The following KLHL18 variants were observed in gnomAD, a reference collection of about 807,000 sequenced individuals.
KLHL18 encodes kelch-like protein 18.
In KLHL18, 38 loss-of-function variants were observed where a neutral mutation model predicts 58.5. The observed-to-expected ratio is 0.65, with a 90% confidence interval of 0.50 to 0.85. The LOEUF is 0.85. KLHL18 is among the 40% of genes least tolerant of loss of function. The pLI is 0.00. For missense variants in KLHL18, 624 were observed against 778.4 expected, an observed-to-expected ratio of 0.80 and a Z score of 2.36; for synonymous variants, 303 against 301.9, an observed-to-expected ratio of 1.00 and a Z score of -0.04.
intron 4 of KLHL18, among the ~76,000 whole-genome samples, chr3:47,330,685 A>G (rs1703836388): frequency 6.6e-6 from 1 of 152,154 alleles, no homozygotes; most frequent in Non-Finnish European, 1.5e-5. Context: ...AATATTTACT[A>G]TTAGAAATAA....
chr3:47,324,144 C>T (rs11709810), intron 3 of KLHL18, among the ~76,000 whole-genome samples: 1 of 152,070 alleles, frequency 6.6e-6, no homozygotes, highest in African/African-American at 2.4e-5. Context: ...GGGATGCCTT[C>T]TGGGGCAGGC....
chr3:47,286,342 T>TG (rs1275595129), intron 1 of KLHL18, among the ~76,000 whole-genome samples: 2 of 152,202 alleles, frequency 1.3e-5, no homozygotes, highest in East Asian at 3.8e-4. Flanking sequence ...TTTCACTACT[T>TG]GCCACCAGAG....
intron 7 of KLHL18, among the ~76,000 whole-genome samples, chr3:47,338,978 G>T (rs1455132902): frequency 6.6e-6 from 1 of 152,218 alleles, no homozygotes; most frequent in East Asian, 1.9e-4. Context: ...CGTTGTGTAG[G>T]AGGGAAGATT....
chr3:47,336,791 A>G, intron 7 of KLHL18, 34 bp downstream of exon 7: 1 of 1,531,342 alleles, frequency 6.5e-7, no homozygotes, highest in East Asian at 2.2e-5. Context: ...CCGAACATAC[A>G]CACTGAGCAC....
chr3:47,284,633 A>G (rs958343820), intron 1 of KLHL18, among the ~76,000 whole-genome samples: 1 of 151,996 alleles, frequency 6.6e-6, no homozygotes, highest in African/African-American at 2.4e-5. Context: ...CACCGCGCCC[A>G]GCCTGCTCTT....
chr3:47,319,567 G>A, intron 1 of KLHL18, 86 bp from the exon 2 acceptor site: 1 of 1,467,790 alleles, frequency 6.8e-7, no homozygotes, highest in East Asian at 2.3e-5. Flanking sequence ...GTGGAGCCGG[G>A]CGGAGGGGCA....
Position 47,345,581 on chromosome 3 carries a change from G to A in KLHL18, c.*1640G>A, listed in dbSNP as rs897868928. On this transcript the variant is annotated 3_prime_UTR_variant, in exon 10 of 10. Transcript: ENST00000232766. Reference sequence around the variant, plus strand: ...TTTTCTCTTGCCAGTGCACTGGGCAGTGGGGCTGTCCTTCAACTGCTGCTG... The same window carrying A: ...TTTTCTCTTGCCAGTGCACTGGGCAATGGGGCTGTCCTTCAACTGCTGCTG... The A allele has an allele frequency of 1.3e-5, 2 of 152,704 alleles. No individual in the cohort carries two copies. The highest frequency in any genetic ancestry group is 4.8e-5 in the African/African-American group (2 of 41,462). The allele number at this position is 152,704 out of a possible 1,614,324, so 9.5% of individuals were successfully genotyped here.
chr3:47,299,793 C>T (rs929366910), intron 1 of KLHL18, among the ~76,000 whole-genome samples: 7 of 129,104 alleles, frequency 5.4e-5, no homozygotes, highest in Admixed American at 2.7e-4. Context: ...CACCACTGCA[C>T]TCCAGCCTGC....
intron 1 of KLHL18, among the ~76,000 whole-genome samples, chr3:47,304,623 T>A (rs1261165191): frequency 2.0e-5 from 3 of 152,256 alleles, no homozygotes; most frequent in African/African-American, 7.2e-5. Flanking sequence ...AAAACACAAC[T>A]GATTTTTGTA....
At chr3:47,335,916 G>A (rs1000585521) in intron 6 of KLHL18, among the ~76,000 whole-genome samples, 17 of 152,270 alleles carry the variant, frequency 1.1e-4, no homozygotes, top group African/African-American at 4.8e-5. Context: ...CTGGAGCGGC[G>A]TGCAAATGAA....
Position 47,346,424 on chromosome 3 carries a change from G to A in KLHL18, c.*2483G>A, listed in dbSNP as rs1315958876. The A allele has an allele frequency of 6.6e-6, 1 of 152,642 alleles. No homozygotes were observed. Among genetic ancestry groups the A allele is most frequent in the Admixed American group, 6.5e-5 (1 of 15,288 alleles). The allele number at this position is 152,642 out of a possible 1,614,324, so 9.5% of individuals were successfully genotyped here. On this transcript the variant is annotated 3_prime_UTR_variant, in exon 10 of 10. Transcript: ENST00000232766. Reference sequence around the variant, plus strand: ...GATGGTGAATGGCTATTCGTAAATGGCTGGTCTGGCTCTTTGGTGTTGGAG... The same window carrying A: ...GATGGTGAATGGCTATTCGTAAATGACTGGTCTGGCTCTTTGGTGTTGGAG...
chr3:47,317,449 A>G (rs1703482051), intron 1 of KLHL18, among the ~76,000 whole-genome samples: 1 of 152,132 alleles, frequency 6.6e-6, no homozygotes, highest in African/African-American at 2.4e-5. Context: ...GTGAATAAAT[A>G]AGAAAGAGGA....
chr3:47,313,152 G>A (rs954847598), intron 1 of KLHL18, among the ~76,000 whole-genome samples: 1 of 150,668 alleles, frequency 6.6e-6, no homozygotes, highest in Non-Finnish European at 1.5e-5. Context: ...CTTGTGATCC[G>A]CCCGTCTCGG....
At chr3:47,342,853 A>G (rs1287152554) in intron 9 of KLHL18, 23 bp downstream of exon 9, 3 of 1,519,868 alleles carry the variant, frequency 2.0e-6, no homozygotes, top group Non-Finnish European at 2.7e-6. Context: ...TCCCCCTGGG[A>G]TAAGGGTACC....
rs565219429 is a variant in KLHL18 at position 47,320,750 on chromosome 3, TA to T, written c.260+976del. 5.5e-3 allele frequency among the ~76,000 whole-genome samples: 830 copies of T among 151,528 alleles called. 7 individuals are homozygous for T. Among genetic ancestry groups the T allele is most frequent in the African/African-American group, 0.019 (793 of 41,324 alleles). ...CTGGACAACATAAACCACATCTTTA[TA>T]AAAAAAAATTGTTTTTAATTAGCTG... On this transcript the variant is annotated intron_variant, in intron 2 of 9. Transcript: ENST00000232766.
In KLHL18 at chr3:47,334,880, G is replaced by C. The variant is rs1703949424; in HGVS notation, c.898+61G>C. 2 of 1,527,514 alleles carry C rather than the reference G, an allele frequency of 1.3e-6. No homozygotes were observed. 94.6% of individuals were successfully genotyped at this position (1,527,514 alleles called of 1,614,324 possible). On this transcript the variant is annotated intron_variant, in intron 6 of 9. Coordinates refer to ENST00000232766, the MANE Select transcript of KLHL18 (RefSeq NM_025010.5). The surrounding 1 kb of genome is among the most constrained non-coding windows in gnomAD (Gnocchi z 4.7). The stretch of plus-strand genomic sequence containing the variant: ...GGACTCCATGGATGAGGAAGCACCA[G>C]ACAAATTAGCCTGGCCCTTCTGGTT...
chr3:47,314,033 CATTTT>C (rs1703367431), intron 1 of KLHL18, among the ~76,000 whole-genome samples: 1 of 152,092 alleles, frequency 6.6e-6, no homozygotes, highest in African/African-American at 2.4e-5. Context: ...TAAAAAATGA[CATTTT>C]ATTTTATTTT....
chr3:47,323,553 C>T (rs112633120), intron 3 of KLHL18, among the ~76,000 whole-genome samples: 1 of 152,198 alleles, frequency 6.6e-6, no homozygotes, highest in African/African-American at 2.4e-5. Flanking sequence ...CAGTAGGCCT[C>T]GTGGGTCTCC....
chr3:47,330,475 T>C (rs1703831133), intron 4 of KLHL18, among the ~76,000 whole-genome samples: 2 of 152,272 alleles, frequency 1.3e-5, no homozygotes, highest in Admixed American at 1.3e-4. Context: ...AGTTTTTGTA[T>C]TTTTTGTAGA....
Sources: gnomAD v4.1 joint callset for allele counts (sites outside exome capture counted in the v4.1 genomes callset) on GRCh38, gnomAD v4.1.1 for gene constraint, Gnocchi (gnomAD v3.1) non-coding constraint, MANE v1.5 for transcripts, NCBI Gene and HGNC (gene_info 2026-07-23, HGNC 2026-07-21) for gene names.